The following LAMA2 variants were observed in gnomAD, a reference collection of about 807,000 sequenced individuals.
LAMA2 encodes laminin subunit alpha 2.
A neutral mutation model predicts 364.8 loss-of-function variants in LAMA2; 269 were observed. That is an observed-to-expected ratio of 0.74 (90% CI 0.67 to 0.82). LAMA2 has a LOEUF of 0.82. Ranked by LOEUF, LAMA2 falls within the 40% of genes least tolerant of loss-of-function variation. The pLI is 0.00. For synonymous variants in LAMA2, 1,379 were observed against 1,370.6 expected, an observed-to-expected ratio of 1.01 and a Z score of -0.14; for missense variants, 3,807 against 3,873.2, an observed-to-expected ratio of 0.98 and a Z score of 0.45.
intron 5 of LAMA2, among the ~76,000 whole-genome samples, chr6:129,144,472 G>C (rs1000664923): frequency 6.6e-6 from 1 of 151,938 alleles, no homozygotes; most frequent in East Asian, 1.9e-4. Context: ...CAGGGGCTTT[G>C]AAACATTTTT....
At chr6:129,221,806 GTT>G (rs1783873122) in intron 12 of LAMA2, among the ~76,000 whole-genome samples, 1 of 152,066 alleles carries the variant, frequency 6.6e-6, no homozygotes, top group Non-Finnish European at 1.5e-5. Context: ...TAAAAGTACT[GTT>G]TATATTAAGA....
intron 7 of LAMA2, among the ~76,000 whole-genome samples, chr6:129,152,424 T>G (rs1778864301): frequency 6.6e-6 from 1 of 152,218 alleles, no homozygotes; most frequent in Non-Finnish European, 1.5e-5. Context: ...AAAATTTAAA[T>G]TTTACATATC....
chr6:129,415,515 C>T (rs1217351544), intron 40 of LAMA2, among the ~76,000 whole-genome samples: 1 of 152,026 alleles, frequency 6.6e-6, no homozygotes, highest in Non-Finnish European at 1.5e-5. Context: ...GTTGTGGGTA[C>T]AATAACTGCA....
intron 48 of LAMA2, among the ~76,000 whole-genome samples, chr6:129,458,683 G>C (rs1192354131): frequency 6.6e-6 from 1 of 151,920 alleles, no homozygotes; most frequent in African/African-American, 2.4e-5. Context: ...CTTTCTATGC[G>C]GCTGTGCAAT....
intron 44 of LAMA2, among the ~76,000 whole-genome samples, chr6:129,444,262 G>T (rs895903925): frequency 6.6e-6 from 1 of 152,142 alleles, no homozygotes; most frequent in Non-Finnish European, 1.5e-5. Flanking sequence ...GAATAAAAGG[G>T]TCTGTAATTT....
chr6:129,073,761 T>C (rs369757657), intron 3 of LAMA2, among the ~76,000 whole-genome samples: 2 of 152,326 alleles, frequency 1.3e-5, no homozygotes, highest in African/African-American at 4.8e-5. Context: ...ATCTCTCCAC[T>C]TAGTCATCTG....
chr6:129,120,291 T>A (rs975368378), intron 4 of LAMA2, among the ~76,000 whole-genome samples: 1 of 152,116 alleles, frequency 6.6e-6, no homozygotes, highest in Non-Finnish European at 1.5e-5. Context: ...CTGAAAAAAA[T>A]TTATAAAAAT....
At chr6:129,104,624 C>G (rs893135702) in intron 4 of LAMA2, among the ~76,000 whole-genome samples, 2 of 152,172 alleles carry the variant, frequency 1.3e-5, no homozygotes, top group African/African-American at 4.8e-5. Context: ...CAATACTGCC[C>G]TATGTTCATA....
At chr6:129,099,149 CTTAG>C (rs1177649391) in intron 4 of LAMA2, among the ~76,000 whole-genome samples, 1 of 107,466 alleles carries the variant, frequency 9.3e-6, no homozygotes, top group Non-Finnish European at 1.9e-5. Context: ...TGTTTTCTGG[CTTAG>C]TTGTGTGTTC....
chr6:129,156,108 A>G (rs2114978961), intron 8 of LAMA2, among the ~76,000 whole-genome samples: 1 of 151,906 alleles, frequency 6.6e-6, no homozygotes, highest in Middle Eastern at 3.5e-3. Flanking sequence ...AAAAAAATTG[A>G]TAATTATGTT....
At chr6:129,252,435 C>A in intron 14 of LAMA2, 140 bp downstream of exon 14, 1 of 672,276 alleles carries the variant, frequency 1.5e-6, no homozygotes, top group Admixed American at 2.4e-5. Flanking sequence ...CCCTAGTTTT[C>A]TGAAAGATTT....
chr6:129,417,249 G>A (rs1780843823), intron 40 of LAMA2, among the ~76,000 whole-genome samples: 1 of 152,100 alleles, frequency 6.6e-6, no homozygotes, highest in African/African-American at 2.4e-5. Flanking sequence ...GTGAAGAGGT[G>A]CTTTATTGAG....
intron 1 of LAMA2, among the ~76,000 whole-genome samples, chr6:128,966,670 C>G (rs888058802): frequency 3.3e-5 from 5 of 152,028 alleles, no homozygotes; most frequent in African/African-American, 1.2e-4. Flanking sequence ...TGTCTCAATG[C>G]TAAATATTCA....
At chr6:129,371,215 T>G (rs1408704582) in intron 34 of LAMA2, among the ~76,000 whole-genome samples, 1 of 151,340 alleles carries the variant, frequency 6.6e-6, no homozygotes, top group Non-Finnish European at 1.5e-5. Context: ...AAAATATGAA[T>G]GAGGCTCAAT....
rs1193850953 is a variant in LAMA2, at chr6:129,403,869, C to G, written c.5775C>G (p.Phe1925Leu). The change falls in exon 40 of 65, where the codon TTC becomes TTG. Residue 1925 changes from phenylalanine to leucine, a missense_variant. Physicochemically the swap from Phe to Leu is conservative, Grantham distance 22. Coordinates refer to ENST00000421865, the MANE Select transcript of LAMA2 (RefSeq NM_000426.4). ...KNISFNATAAFKAYSNIKDYI... is the reference protein window; with the variant it reads ...KNISFNATAALKAYSNIKDYI... The stretch of plus-strand genomic sequence containing the variant: ...TCTCCTTCAATGCCACTGCAGCCTT[C>G]AAAGCTTACAGCAATATTAAGGACT... The G allele has an allele frequency of 1.2e-6, 2 of 1,613,624 alleles. No individual in the cohort carries two copies. Among genetic ancestry groups the G allele is most frequent in the East Asian group, 4.5e-5 (2 of 44,868 alleles).
At chr6:129,299,198 G>T (rs1773393380) in intron 21 of LAMA2, among the ~76,000 whole-genome samples, 1 of 151,356 alleles carries the variant, frequency 6.6e-6, no homozygotes, top group Non-Finnish European at 1.5e-5. Context: ...GACATGACTT[G>T]CACAAAATAG....
chr6:129,203,036 C>G (rs984586765), intron 12 of LAMA2, among the ~76,000 whole-genome samples: 2 of 152,134 alleles, frequency 1.3e-5, no homozygotes, highest in African/African-American at 4.8e-5. Flanking sequence ...GAATGGTTAC[C>G]TAAATACACA....
intron 8 of LAMA2, chr6:129,158,159 C>T: frequency 1.2e-6 from 2 of 1,612,980 alleles, no homozygotes; most frequent in Non-Finnish European, 1.7e-6. Context: ...TAGCACATTT[C>T]AGGAAGTCAT....
chr6:128,888,087 C>T (rs1205711371), intron 1 of LAMA2, among the ~76,000 whole-genome samples: 2 of 151,954 alleles, frequency 1.3e-5, no homozygotes, highest in Non-Finnish European at 2.9e-5. Context: ...ACTTGAGCCT[C>T]GATAGCTAAA....
Sources: gnomAD v4.1 joint callset for allele counts (sites outside exome capture counted in the v4.1 genomes callset) on GRCh38, gnomAD v4.1.1 for gene constraint, MANE v1.5 for transcripts, NCBI Gene and HGNC (gene_info 2026-07-23, HGNC 2026-07-21) for gene names.